Variants in ZFHX3 observed in about 807,000 individuals in gnomAD.
ZFHX3 encodes the protein zinc finger homeobox 3, also known as zinc finger homeobox protein 3.
ZFHX3 carries 42 observed loss-of-function variants against 279.1 expected under a neutral mutation model. That is an observed-to-expected ratio of 0.15 (90% CI 0.12 to 0.19). The LOEUF is 0.19. Ranked by LOEUF, ZFHX3 falls within the 10% of genes least tolerant of loss-of-function variation. The pLI is 1.00. For synonymous variants in ZFHX3, 2,293 were observed against 1,957.8 expected (o/e 1.17, Z -4.52); for missense variants, 4,981 against 4,754.0 (o/e 1.05, Z -1.40).
Position 72,798,100 on chromosome 16 carries a change from T to C in ZFHX3, c.4582A>G (p.Arg1528Gly). 6.2e-7 allele frequency: 1 copy of C among 1,614,256 alleles called. No individual in the cohort carries two copies. Among genetic ancestry groups the C allele is most frequent in the South Asian group, 1.1e-5 (1 of 91,090 alleles). ...TCCATAGTAAAATTGGGACCTTTTC[T>C]GAAAGGCAGAGCTCTCTTTGGCTCT... is the stretch of plus-strand genomic sequence containing the variant. The part of the protein sequence containing the change: ...GSEPKRALPF[R>G]KGPNFTMEKF... Residue 1528 changes from arginine (R) to glycine (G), a missense_variant, in exon 9 of 10, where the codon AGA becomes GGA. This residue lies in a region of ZFHX3 where 1,751 missense variants were observed against 1,770.0 expected (regional missense o/e 0.99). Transcript: ENST00000268489.
chr16:73,668,977 G>A (rs2052873998), intron 2 of ZFHX3, among the ~76,000 whole-genome samples: 1 of 151,970 alleles, frequency 6.6e-6, no homozygotes, highest in African/African-American at 2.4e-5. Context: ...TTCAACCATT[G>A]TGGAAGACAG....
At chr16:72,805,671 G>A (rs1021788641) in intron 7 of ZFHX3, among the ~76,000 whole-genome samples, 4 of 152,180 alleles carry the variant, frequency 2.6e-5, no homozygotes, top group Non-Finnish European at 5.9e-5. Context: ...CGAGAGGCCA[G>A]TTGCTCACTT....
intron 2 of ZFHX3, among the ~76,000 whole-genome samples, chr16:73,540,574 A>G (rs1422983367): frequency 1.3e-5 from 2 of 152,230 alleles, no homozygotes; most frequent in Non-Finnish European, 2.9e-5. Flanking sequence ...ATTTTCTCCT[A>G]TGCTGAAAAT....
intron 3 of ZFHX3, among the ~76,000 whole-genome samples, chr16:73,405,337 C>T (rs776515466): frequency 4.6e-5 from 7 of 152,176 alleles, no homozygotes; most frequent in Non-Finnish European, 1.0e-4. Flanking sequence ...CTACTTTCTA[C>T]GATCCTGGCT....
chr16:73,347,240 A>G (rs964692600), intron 3 of ZFHX3, among the ~76,000 whole-genome samples: 2 of 152,214 alleles, frequency 1.3e-5, no homozygotes, highest in African/African-American at 2.4e-5. Flanking sequence ...AGGGCCCACA[A>G]TCACAACCAT....
chr16:73,856,201 G>A (rs1961723220), intron 1 of ZFHX3, among the ~76,000 whole-genome samples: 1 of 152,198 alleles, frequency 6.6e-6, no homozygotes, highest in Admixed American at 6.5e-5. Flanking sequence ...AATGTTGGCA[G>A]TGACTACGTG....
chr16:73,720,457 A>T (rs563311235), intron 1 of ZFHX3, among the ~76,000 whole-genome samples: 5 of 152,330 alleles, frequency 3.3e-5, no homozygotes, highest in African/African-American at 1.2e-4. Flanking sequence ...TGGTGACATA[A>T]AATTTGGTCC....
At chr16:73,878,307 C>G (rs1244910432) in intron 1 of ZFHX3, among the ~76,000 whole-genome samples, 1 of 151,880 alleles carries the variant, frequency 6.6e-6, no homozygotes. Context: ...ATACATGAAA[C>G]CGAGAGGTGA....
chr16:73,070,950 A>G (rs1306223481), intron 8 of ZFHX3, among the ~76,000 whole-genome samples: 24 of 141,028 alleles, frequency 1.7e-4, no homozygotes, highest in African/African-American at 4.9e-4. Flanking sequence ...ACACACACAC[A>G]CACACACACA....
chr16:72,890,321 A>G (rs1253073281), intron 3 of ZFHX3, among the ~76,000 whole-genome samples: 1 of 152,176 alleles, frequency 6.6e-6, no homozygotes, highest in Non-Finnish European at 1.5e-5. Flanking sequence ...TGCCATGTGA[A>G]GAAAGACATG....
intron 4 of ZFHX3, among the ~76,000 whole-genome samples, chr16:73,303,412 T>C (rs1354214089): frequency 1.3e-5 from 2 of 152,214 alleles, no homozygotes; most frequent in Non-Finnish European, 2.9e-5. Flanking sequence ...AAAATTCTCA[T>C]GCTCCTACTT....
intron 1 of ZFHX3, among the ~76,000 whole-genome samples, chr16:73,714,012 GT>G (rs1282698328): frequency 6.6e-6 from 1 of 152,148 alleles, no homozygotes; most frequent in African/African-American, 2.4e-5. Flanking sequence ...CCAGCTTGAT[GT>G]ATGATCCCTT....
chr16:73,421,702 C>T (rs1036858269), intron 3 of ZFHX3, among the ~76,000 whole-genome samples: 2 of 152,096 alleles, frequency 1.3e-5, no homozygotes, highest in African/African-American at 4.8e-5. Context: ...ACAGAATCTG[C>T]ACTTGTGGCA....
intron 7 of ZFHX3, among the ~76,000 whole-genome samples, chr16:73,097,392 T>C (rs1205152397): frequency 6.6e-6 from 1 of 152,108 alleles, no homozygotes; most frequent in African/African-American, 2.4e-5. Context: ...TCTGGACAGT[T>C]TGAATAGGGT....
chr16:73,585,787 G>A (rs1411039121), intron 2 of ZFHX3, among the ~76,000 whole-genome samples: 1 of 152,178 alleles, frequency 6.6e-6, no homozygotes. Context: ...AGTAAGTGCA[G>A]TTAAAATGTT....
At chr16:73,700,978 C>G (rs2142216498) in intron 1 of ZFHX3, among the ~76,000 whole-genome samples, 1 of 152,136 alleles carries the variant, frequency 6.6e-6, no homozygotes, top group Middle Eastern at 3.4e-3. Context: ...TTTTTTTAAG[C>G]AAAGGACTCT....
At chr16:73,837,506 C>A (rs1185444869) in intron 1 of ZFHX3, among the ~76,000 whole-genome samples, 1 of 152,194 alleles carries the variant, frequency 6.6e-6, no homozygotes, top group Non-Finnish European at 1.5e-5. Flanking sequence ...CAAACCTATT[C>A]AACTTTTCCC....
At chr16:73,427,044 T>C (rs1277960189) in intron 3 of ZFHX3, among the ~76,000 whole-genome samples, 1 of 152,224 alleles carries the variant, frequency 6.6e-6, no homozygotes, top group Non-Finnish European at 1.5e-5. Context: ...GATTCATGGC[T>C]GATGCTGGTG....
intron 4 of ZFHX3, among the ~76,000 whole-genome samples, chr16:73,298,797 T>C (rs1032117218): frequency 6.6e-6 from 1 of 152,216 alleles, no homozygotes; most frequent in African/African-American, 2.4e-5. Flanking sequence ...ACCTACCATA[T>C]GTCAGTTACC....
Sources: gnomAD v4.1 joint callset for allele counts (sites outside exome capture counted in the v4.1 genomes callset) on GRCh38, gnomAD v4.1.1 for gene constraint, gnomAD v4.1.1 regional missense constraint, MANE v1.5 for transcripts, NCBI Gene and HGNC (gene_info 2026-07-23, HGNC 2026-07-21) for gene names.